The following C12orf75 variants were observed in gnomAD, a reference collection of about 807,000 sequenced individuals.
The protein encoded by C12orf75 is chromosome 12 open reading frame 75.
In C12orf75, 4 loss-of-function variants were observed where a neutral mutation model predicts 11.4. The observed-to-expected ratio is 0.35, with a 90% CI of 0.17 to 0.80. The LOEUF (loss-of-function observed/expected upper bound fraction) is 0.80, where lower values mean the gene tolerates loss of function less well. Among genes scored for constraint, C12orf75 ranks in the 30% least tolerant of loss-of-function variants. C12orf75 has a pLI of 0.52. For missense variants in C12orf75, 89 were observed against 80.4 expected, an observed-to-expected ratio of 1.11 and a Z score of -0.41; for synonymous variants, 30 against 30.0, an observed-to-expected ratio of 1.00 and a Z score of 0.00.
chr12:105,350,399 C>T (rs941548221), intron 2 of C12orf75, among the ~76,000 whole-genome samples: 2 of 152,210 alleles, frequency 1.3e-5, no homozygotes, highest in African/African-American at 2.4e-5. Context: ...TTCTTCAGGC[C>T]ACTGTTCTCA....
At chr12:105,349,323 G>A (rs930543257) in intron 2 of C12orf75, among the ~76,000 whole-genome samples, 4 of 152,228 alleles carry the variant, frequency 2.6e-5, no homozygotes, top group Admixed American at 2.6e-4. Flanking sequence ...TGGGTGTCAA[G>A]ACTGATTCAC....
intron 5 of C12orf75, among the ~76,000 whole-genome samples, chr12:105,370,182 A>G (rs1287513570): frequency 6.6e-6 from 1 of 152,222 alleles, no homozygotes; most frequent in Non-Finnish European, 1.5e-5. Flanking sequence ...CTTCCAGCAC[A>G]GAGGGGCTTA....
chr12:105,362,253 C>T (rs958964635), intron 2 of C12orf75, among the ~76,000 whole-genome samples: 45 of 151,288 alleles, frequency 3.0e-4, no homozygotes, highest in Non-Finnish European at 5.5e-4. Context: ...GGGCGTGTGG[C>T]GGGCGCCTGT....
At chr12:105,352,936 A>C (rs1299082182) in intron 2 of C12orf75, among the ~76,000 whole-genome samples, 1 of 152,366 alleles carries the variant, frequency 6.6e-6, no homozygotes, top group East Asian at 1.9e-4. Flanking sequence ...ACAGTGCAGT[A>C]ACACACTGAA....
In C12orf75 at chr12:105,367,480, A is replaced by G. The variant is rs1417278622; in HGVS notation, c.*4A>G. ...TTAATTTTCTCTTTAAGATTAGAAG[A>G]AAATAACATCATGACTCAAGAATCA... On this transcript the variant is annotated 3_prime_UTR_variant, in exon 5 of 6. Coordinates refer to ENST00000443585, the MANE Select transcript of C12orf75 (RefSeq NM_001145199.2). 1.2e-6 allele frequency: 1 copy of G among 841,336 alleles called. No individual in the cohort carries two copies. The highest frequency in any genetic ancestry group is 1.9e-5 in the South Asian group (1 of 52,072). The allele number at this position is 841,336 out of a possible 1,614,324, so 52.1% of individuals were successfully genotyped here. A position where few individuals can be genotyped will look rare whatever the true frequency, so the allele number is the denominator to read the frequency against.
chr12:105,345,299 G>A (rs1045002186), intron 1 of C12orf75, among the ~76,000 whole-genome samples: 10 of 151,896 alleles, frequency 6.6e-5, no homozygotes, highest in African/African-American at 1.7e-4. Context: ...GACCAGCCTC[G>A]GCAACATGGT....
rs769471270 is a variant in C12orf75 at position 105,365,827 on chromosome 12, A to C, written c.92A>C (p.Glu31Ala). 3.0e-5 allele frequency: 47 copies of C among 1,549,486 alleles called. No individual in the cohort carries two copies. In the South Asian group the frequency reaches 5.6e-4, roughly 18 times the overall value. Reference protein sequence around the residue: ...AKDVTEESVTEDDKRRNYGGV... With the variant: ...AKDVTEESVTADDKRRNYGGV... ...TTTAGAACAGAAGAATCCGTAACAGAAGATGACAAGAGGAGGTATGTTTGG... is the reference window on the plus strand; with the variant it reads ...TTTAGAACAGAAGAATCCGTAACAGCAGATGACAAGAGGAGGTATGTTTGG... The change falls in exon 3 of 6, where the codon GAA (glutamate) becomes GCA (alanine). Residue 31 changes from glutamate (E) to alanine (A), a missense_variant. Transcript: ENST00000443585.
chr12:105,368,132 C>A (rs1371958030), intron 5 of C12orf75, among the ~76,000 whole-genome samples: 1 of 152,096 alleles, frequency 6.6e-6, no homozygotes, highest in African/African-American at 2.4e-5. Context: ...GAAACAAGAA[C>A]AACGACAAGA....
In C12orf75 at chr12:105,367,497, C is replaced by A; in HGVS notation, c.*21C>A. 1 of 812,338 alleles carries A rather than the reference C, an allele frequency of 1.2e-6. No individual in the cohort carries two copies. The highest frequency in any genetic ancestry group is 1.9e-6 in the Non-Finnish European group (1 of 524,592). 50.3% of individuals were successfully genotyped at this position (812,338 alleles called of 1,614,324 possible). On this transcript the variant is annotated 3_prime_UTR_variant, in exon 5 of 6. Transcript: ENST00000443585. ...ATTAGAAGAAAATAACATCATGACT[C>A]AAGAATCAAGAGGTGCTGTATATTT...
intron 2 of C12orf75, among the ~76,000 whole-genome samples, chr12:105,351,612 G>C (rs933401780): frequency 6.6e-6 from 1 of 152,144 alleles, no homozygotes; most frequent in African/African-American, 2.4e-5. Flanking sequence ...TGCTGGTCTT[G>C]GAATTGAAGG....
In C12orf75 at chr12:105,342,581, G is replaced by A. The variant is rs113357069; in HGVS notation, c.47-6021G>A. Among the ~76,000 whole-genome samples the A allele has an allele frequency of 7.7e-3, 1,169 of 152,346 alleles. 14 individuals are homozygous for A. Among genetic ancestry groups the A allele is most frequent in the African/African-American group, 0.025 (1,037 of 41,570 alleles). On this transcript the variant is annotated intron_variant, in intron 1 of 5. Transcript: ENST00000443585. ...GCTGGTTAAATCCTTTGCCACTGGT[G>A]ATTAACTCAATCTCCAGCCTCTCTC... is the stretch of plus-strand genomic sequence containing the variant.
Position 105,370,700 on chromosome 12 carries a change from G to T in C12orf75, c.*100G>T, listed in dbSNP as rs1473861405. 1 of 457,570 alleles carries T rather than the reference G, an allele frequency of 2.2e-6. No individual in the cohort carries two copies. The highest frequency in any genetic ancestry group is 2.3e-5 in the Admixed American group (1 of 42,566). The allele number at this position is 457,570 out of a possible 1,614,324, so 28.3% of individuals were successfully genotyped here. A position where few individuals can be genotyped will look rare whatever the true frequency, so the allele number is the denominator to read the frequency against. ...TGTAATGTGCACAGACATTTCCAAGGAAATTCTAAACAGTCACCCTTCCCT... is the reference window on the plus strand; with the variant it reads ...TGTAATGTGCACAGACATTTCCAAGTAAATTCTAAACAGTCACCCTTCCCT... On this transcript the variant is annotated 3_prime_UTR_variant, in exon 6 of 6. Coordinates refer to ENST00000443585, the MANE Select transcript of C12orf75 (RefSeq NM_001145199.2).
At position 105,330,759 on chromosome 12, in the gene C12orf75, C is replaced by T. The variant is rs532672882; in HGVS notation, c.-133C>T. The T allele has an allele frequency of 0.02, 17,929 of 905,160 alleles. 180 individuals carry two copies. Among genetic ancestry groups the T allele is most frequent in the Middle Eastern group, 0.025 (59 of 2,406 alleles). The allele number at this position is 905,160 out of a possible 1,614,324, so 56.1% of individuals were successfully genotyped here. A position where few individuals can be genotyped will look rare whatever the true frequency, so the allele number is the denominator to read the frequency against. On this transcript the variant is annotated 5_prime_UTR_variant, in exon 1 of 6. Transcript: ENST00000443585. ...GTCTCCCGGCGGTGGGAGGGGGCGG[C>T]CCCCACTCGGTTCCTGGCCCCTCGC...
At chr12:105,369,720 T>C (rs1396046237) in intron 5 of C12orf75, among the ~76,000 whole-genome samples, 1 of 152,222 alleles carries the variant, frequency 6.6e-6, no homozygotes, top group Admixed American at 6.5e-5. Context: ...TTTAGCTGTC[T>C]CTAAACAATT....
intron 1 of C12orf75, among the ~76,000 whole-genome samples, chr12:105,335,468 A>G (rs1302406014): frequency 2.0e-5 from 3 of 152,150 alleles, no homozygotes; most frequent in Non-Finnish European, 4.4e-5. Flanking sequence ...ACAAGTATGT[A>G]CCATCCTTCT....
chr12:105,341,680 A>T (rs986067497), intron 1 of C12orf75, among the ~76,000 whole-genome samples: 1 of 152,206 alleles, frequency 6.6e-6, no homozygotes, highest in African/African-American at 2.4e-5. Context: ...GCCCCAGTGG[A>T]GTTGGGCTAT....
intron 2 of C12orf75, among the ~76,000 whole-genome samples, chr12:105,356,373 T>G (rs998811041): frequency 1.3e-5 from 2 of 150,284 alleles, no homozygotes; most frequent in African/African-American, 2.4e-5. Context: ...TTTTACTGTT[T>G]ACGAGTCAAA....
At chr12:105,351,002 TTAAA>T (rs1892706706) in intron 2 of C12orf75, among the ~76,000 whole-genome samples, 1 of 152,192 alleles carries the variant, frequency 6.6e-6, no homozygotes, top group Admixed American at 6.5e-5. Context: ...AAGTAATTTA[TTAAA>T]TAAATGACCT....
chr12:105,333,229 T>C (rs933616428), intron 1 of C12orf75, among the ~76,000 whole-genome samples: 28 of 152,216 alleles, frequency 1.8e-4, no homozygotes, highest in African/African-American at 5.3e-4. Flanking sequence ...TTGGTCATTG[T>C]TATTTTGAAA....
Sources: allele counts gnomAD v4.1 joint callset (sites outside exome capture counted in the v4.1 genomes callset), GRCh38; gene constraint gnomAD v4.1.1; transcripts MANE v1.5; gene names NCBI Gene and HGNC (gene_info 2026-07-23, HGNC 2026-07-21).